The following EYA2 variants were observed in gnomAD, a reference collection of about 807,000 sequenced individuals.
EYA2 encodes the protein EYA transcriptional coactivator and phosphatase 2.
Under a neutral mutation model 69.2 loss-of-function variants are expected in EYA2, and 31 were observed. The ratio of observed to expected loss-of-function variants is 0.45; its 90% confidence interval spans 0.34 to 0.60. The LOEUF is 0.60. Ranked by LOEUF, EYA2 falls within the 20% of genes least tolerant of loss-of-function variation. EYA2 has a pLI of 0.02. For missense variants in EYA2, 622 were observed against 701.2 expected (o/e 0.89, Z 1.28); for synonymous variants, 257 against 279.4 (o/e 0.92, Z 0.80).
intron 15 of EYA2, among the ~76,000 whole-genome samples, chr20:47,183,800 C>CG (rs1488899156): frequency 2.6e-5 from 4 of 152,076 alleles, no homozygotes; most frequent in African/African-American, 9.7e-5. Flanking sequence ...TTTGTGATCT[C>CG]GGGCCCGTGA....
At chr20:47,113,619 C>T (rs572800432) in intron 9 of EYA2, among the ~76,000 whole-genome samples, 4 of 152,170 alleles carry the variant, frequency 2.6e-5, no homozygotes, top group Non-Finnish European at 5.9e-5. Flanking sequence ...AGGTGGGTAG[C>T]GCTGTAGCCT....
rs1161912645 is a variant in EYA2, at chr20:47,160,789, C to CT, written c.979-8339dup. On this transcript the variant is annotated intron_variant, in intron 10 of 15. Coordinates refer to ENST00000327619, the MANE Select transcript of EYA2 (RefSeq NM_005244.5). ...ATTTCATCCTTGAAGCCTCCCCTCTCTTTTTTTTTTTCAAGCTTAATTCAC... is the reference window on the plus strand; with the variant it reads ...ATTTCATCCTTGAAGCCTCCCCTCTCTTTTTTTTTTTTCAAGCTTAATTCAC... The CT allele has an allele frequency of 1.8e-3, 288 of 157,638 alleles. 1 individual carries two copies. The highest frequency in any genetic ancestry group is 3.7e-3 in the East Asian group (24 of 6,568). 9.8% of individuals were successfully genotyped at this position (157,638 alleles called of 1,614,324 possible).
rs538207539 is a variant in EYA2 at position 47,022,844 on chromosome 20, C to T, written c.415+6547C>T. Among the ~76,000 whole-genome samples, 177 of 151,494 alleles carry T rather than the reference C, an allele frequency of 1.2e-3. 1 individual carries two copies. Among genetic ancestry groups the T allele is most frequent in the African/African-American group, 3.9e-3 (161 of 41,200 alleles). On this transcript the variant is annotated intron_variant, in intron 5 of 15. Transcript: ENST00000327619. ...TAATTTTGTTTATTTTTTGTAGAGA[C>T]GGGGTTTCATTGTGTTGCATAGGCT...
intron 10 of EYA2, among the ~76,000 whole-genome samples, chr20:47,167,536 A>T (rs1248370175): frequency 6.6e-6 from 1 of 152,010 alleles, no homozygotes; most frequent in African/African-American, 2.4e-5. Context: ...CACCCGCCTC[A>T]GCCTCCCAAA....
intron 1 of EYA2, among the ~76,000 whole-genome samples, chr20:46,984,812 A>G (rs766688318): frequency 1.3e-5 from 2 of 152,188 alleles, no homozygotes; most frequent in Non-Finnish European, 2.9e-5. Context: ...AGATGAATGG[A>G]GATGTTCATT....
chr20:47,133,990 C>T (rs1001060858), intron 9 of EYA2, among the ~76,000 whole-genome samples: 1 of 152,234 alleles, frequency 6.6e-6, no homozygotes, highest in Non-Finnish European at 1.5e-5. Context: ...GCTTGGAGCT[C>T]ATGCACCAGG....
chr20:47,056,047 C>T lies in EYA2; in HGVS notation c.416-16138C>T, dbSNP rs932242262. Among the ~76,000 whole-genome samples the T allele has an allele frequency of 5.3e-5, 8 of 152,282 alleles. No homozygotes were observed. The East Asian group carries it at 9.6e-4, about 18-fold the overall frequency. Reference sequence around the variant, plus strand: ...TGACAGGGCAGCCTATCTGAAATGGCGTTCTCAGGCATGCGGATTGTTTTA... The same window carrying T: ...TGACAGGGCAGCCTATCTGAAATGGTGTTCTCAGGCATGCGGATTGTTTTA... On this transcript the variant is annotated intron_variant, in intron 5 of 15. Coordinates refer to ENST00000327619, the MANE Select transcript of EYA2 (RefSeq NM_005244.5).
intron 1 of EYA2, among the ~76,000 whole-genome samples, chr20:46,906,431 C>T (rs1984360878): frequency 6.6e-6 from 1 of 152,188 alleles, no homozygotes; most frequent in Admixed American, 6.5e-5. Flanking sequence ...GAAACAAATG[C>T]AGTCTCTCGG....
rs765874138 is a variant in EYA2, at chr20:47,186,348, C to CTT, written c.1537-1678_1537-1677dup. The stretch of plus-strand genomic sequence containing the variant: ...ACCTGCTAACTATGAAGCACTTATT[C>CTT]TTTTTTTTTTTTTTTTTTTTTTTTT... On this transcript the variant is annotated intron_variant, in intron 15 of 15. Coordinates refer to ENST00000327619, the MANE Select transcript of EYA2 (RefSeq NM_005244.5). Among the ~76,000 whole-genome samples the CTT allele has an allele frequency of 1.4e-3, 98 of 72,298 alleles. 4 individuals are homozygous for CTT. Among genetic ancestry groups the CTT allele is most frequent in the African/African-American group, 1.9e-3 (41 of 21,400 alleles). 47.4% of individuals were successfully genotyped at this position (72,298 alleles called of 152,430 possible).
chr20:47,130,256 A>ATTTTATTTTTTTTTTTT, intron 9 of EYA2, among the ~76,000 whole-genome samples: 1 of 69,804 alleles, frequency 1.4e-5, no homozygotes, highest in South Asian at 4.2e-4. Context: ...AAGAAGGTTT[A>ATTTTATTTTTTTTTTTT]TTTTCTTTTT....
At chr20:47,008,301 A>G (rs1982846232) in intron 4 of EYA2, among the ~76,000 whole-genome samples, 1 of 152,166 alleles carries the variant, frequency 6.6e-6, no homozygotes. Flanking sequence ...TAACTTACCC[A>G]AGGTCACCCA....
chr20:47,109,734 T>C (rs866355573), intron 9 of EYA2, among the ~76,000 whole-genome samples: 27 of 152,086 alleles, frequency 1.8e-4, no homozygotes, highest in African/African-American at 6.3e-4. Context: ...ACTCTATCAC[T>C]CTAACACAAT....
At chr20:46,938,012 C>T (rs115879890) in intron 1 of EYA2, among the ~76,000 whole-genome samples, 8,453 of 152,160 alleles carry the variant, frequency 0.056, 698 homozygotes, top group African/African-American at 0.18. Flanking sequence ...TATCTTATCC[C>T]CATTGCACAG....
At chr20:47,035,952 A>G (rs1334275905) in intron 5 of EYA2, among the ~76,000 whole-genome samples, 1 of 152,162 alleles carries the variant, frequency 6.6e-6, no homozygotes, top group African/African-American at 2.4e-5. Context: ...TCGAGGCTGC[A>G]GTGAGCTGTG....
At chr20:47,174,288 C>T (rs973703515) in intron 12 of EYA2, among the ~76,000 whole-genome samples, 1 of 152,246 alleles carries the variant, frequency 6.6e-6, no homozygotes, top group African/African-American at 2.4e-5. Flanking sequence ...CGCAGCTCTA[C>T]AACTTTCTAG....
At chr20:47,039,934 A>T (rs6124926) in intron 5 of EYA2, among the ~76,000 whole-genome samples, 1 of 133,462 alleles carries the variant, frequency 7.5e-6, no homozygotes, top group South Asian at 2.3e-4. Flanking sequence ...TCCGCCTCCC[A>T]GGTTCAAGCG....
chr20:47,020,004 G>A (rs961135079), intron 5 of EYA2, among the ~76,000 whole-genome samples: 6 of 150,968 alleles, frequency 4.0e-5, no homozygotes, highest in Non-Finnish European at 8.8e-5. Context: ...GCATGGTGGT[G>A]TGCACCTGTA....
At chr20:46,969,660 C>T (rs1327563854) in intron 1 of EYA2, among the ~76,000 whole-genome samples, 1 of 152,178 alleles carries the variant, frequency 6.6e-6, no homozygotes, top group African/African-American at 2.4e-5. Flanking sequence ...GAAGCTAAAG[C>T]TGAACTAAGC....
intron 8 of EYA2, among the ~76,000 whole-genome samples, chr20:47,092,038 A>G (rs4810608): frequency 0.9 from 136,357 of 152,124 alleles, 62,281 homozygotes; most frequent in East Asian, 0.99. Flanking sequence ...GAAGCCCTGA[A>G]GTTGGAAGCT....
Sources: gnomAD v4.1 joint callset for allele counts (sites outside exome capture counted in the v4.1 genomes callset) on GRCh38, gnomAD v4.1.1 for gene constraint, MANE v1.5 for transcripts, NCBI Gene and HGNC (gene_info 2026-07-23, HGNC 2026-07-21) for gene names.